Variants in FSTL4 observed in about 807,000 individuals in gnomAD.
The protein encoded by FSTL4 is follistatin like 4.
A neutral mutation model predicts 78.2 loss-of-function variants in FSTL4; 28 were observed. The observed-to-expected ratio is 0.36, with a 90% CI of 0.27 to 0.49. The LOEUF (loss-of-function observed/expected upper bound fraction) is 0.49, where lower values mean the gene tolerates loss of function less well. Among genes scored for constraint, FSTL4 ranks in the 20% least tolerant of loss-of-function variants. FSTL4 has a pLI of 0.98. For missense variants in FSTL4, 922 were observed against 1,084.9 expected, an observed-to-expected ratio of 0.85 and a Z score of 2.11; for synonymous variants, 422 against 440.5, an observed-to-expected ratio of 0.96 and a Z score of 0.53.
chr5:133,600,409 T>A (rs1441476926), intron 2 of FSTL4, among the ~76,000 whole-genome samples: 3 of 125,050 alleles, frequency 2.4e-5, no homozygotes, highest in African/African-American at 9.2e-5. Flanking sequence ...AAAATGCATC[T>A]GTGTAGGATA....
chr5:133,281,748 C>A (rs922376446), intron 6 of FSTL4, among the ~76,000 whole-genome samples: 3 of 152,158 alleles, frequency 2.0e-5, no homozygotes, highest in East Asian at 3.9e-4. Flanking sequence ...GCAGTCCCAG[C>A]CCCCAGGACA....
At chr5:133,321,331 C>T (rs1014102690) in intron 4 of FSTL4, among the ~76,000 whole-genome samples, 1 of 152,256 alleles carries the variant, frequency 6.6e-6, no homozygotes, top group Non-Finnish European at 1.5e-5. Context: ...ACCTTCATCA[C>T]TCTCCGTGCC....
At chr5:133,267,420 A>C (rs1752667917) in intron 6 of FSTL4, among the ~76,000 whole-genome samples, 1 of 152,208 alleles carries the variant, frequency 6.6e-6, no homozygotes, top group Non-Finnish European at 1.5e-5. Flanking sequence ...TCATATCCAC[A>C]GCCGCATAAG....
chr5:133,699,892 A>C, the FSTL4 span, among the ~76,000 whole-genome samples: 1 of 151,454 alleles, frequency 6.6e-6, no homozygotes, highest in South Asian at 2.1e-4. Flanking sequence ...AAAAAAAAAA[A>C]AAAAAAAAAC....
At chr5:133,784,107 G>A in the FSTL4 span, among the ~76,000 whole-genome samples, 3 of 152,046 alleles carry the variant, frequency 2.0e-5, no homozygotes, top group Non-Finnish European at 2.9e-5. Flanking sequence ...ATACGTACAG[G>A]GAATTTAGCC....
chr5:133,561,282 G>A (rs1414902134), intron 3 of FSTL4, among the ~76,000 whole-genome samples: 1 of 151,990 alleles, frequency 6.6e-6, no homozygotes, highest in Non-Finnish European at 1.5e-5. Context: ...AATTACCCAT[G>A]CACTGAGCAC....
At chr5:133,364,412 C>T (rs1475535881) in intron 4 of FSTL4, among the ~76,000 whole-genome samples, 1 of 152,190 alleles carries the variant, frequency 6.6e-6, no homozygotes, top group East Asian at 1.9e-4. Flanking sequence ...TGGCAGCAGG[C>T]CACCGCAAAG....
the FSTL4 span, among the ~76,000 whole-genome samples, chr5:133,780,974 G>T: frequency 2.0e-5 from 3 of 152,202 alleles, no homozygotes; most frequent in African/African-American, 7.2e-5. Context: ...CAGAACTCAC[G>T]GCAAGTGGAG....
the FSTL4 span, among the ~76,000 whole-genome samples, chr5:133,672,894 G>A: frequency 1.4e-3 from 206 of 152,332 alleles, no homozygotes; most frequent in African/African-American, 3.8e-3. Flanking sequence ...AAGTCCTGAC[G>A]ACATGTGCCC....
chr5:133,430,608 T>C (rs1371416201), intron 3 of FSTL4, among the ~76,000 whole-genome samples: 1 of 152,180 alleles, frequency 6.6e-6, no homozygotes, highest in Non-Finnish European at 1.5e-5. Flanking sequence ...TTAGCCAAAT[T>C]AATACCAAAA....
the FSTL4 span, among the ~76,000 whole-genome samples, chr5:133,791,904 C>T: frequency 6.6e-6 from 1 of 152,198 alleles, no homozygotes; most frequent in South Asian, 2.1e-4. Flanking sequence ...TCCCACTGAT[C>T]GCATTTTGCT....
chr5:133,839,850 T>TA, the FSTL4 span, among the ~76,000 whole-genome samples: 2 of 152,230 alleles, frequency 1.3e-5, no homozygotes, highest in Non-Finnish European at 2.9e-5. Flanking sequence ...AAGAAGTTTT[T>TA]AAAAGGCTTT....
chr5:133,618,683 T>C, the FSTL4 span, among the ~76,000 whole-genome samples: 1 of 152,246 alleles, frequency 6.6e-6, no homozygotes, highest in Admixed American at 6.5e-5. Flanking sequence ...ATTGCATAAA[T>C]TAAGCTCAAA....
intron 2 of FSTL4, among the ~76,000 whole-genome samples, chr5:133,596,543 C>T (rs951016931): frequency 5.3e-5 from 8 of 152,320 alleles, no homozygotes; most frequent in Admixed American, 3.3e-4. Flanking sequence ...TGGCAGCTTC[C>T]GTCTCCAGCT....
chr5:133,434,197 G>C (rs1028442815), intron 3 of FSTL4, among the ~76,000 whole-genome samples: 5 of 152,156 alleles, frequency 3.3e-5, no homozygotes, highest in Admixed American at 6.5e-5. Context: ...AAGCAGACGA[G>C]ACTCAAGGTG....
intron 7 of FSTL4, among the ~76,000 whole-genome samples, chr5:133,242,523 G>A (rs958580809): frequency 1.3e-5 from 2 of 152,106 alleles, no homozygotes; most frequent in East Asian, 1.9e-4. Flanking sequence ...CAAGCCCTGA[G>A]GCCAGGGCTT....
intron 8 of FSTL4, among the ~76,000 whole-genome samples, chr5:133,226,797 G>A (rs1055008588): frequency 6.6e-6 from 1 of 152,192 alleles, no homozygotes; most frequent in Non-Finnish European, 1.5e-5. Flanking sequence ...AAGCATCCCA[G>A]TACTTTAGAA....
chr5:133,261,698 A>G (rs1301451541), intron 6 of FSTL4, among the ~76,000 whole-genome samples: 1 of 152,168 alleles, frequency 6.6e-6, no homozygotes, highest in Non-Finnish European at 1.5e-5. Context: ...TCTACTAAAA[A>G]TACAAAAATT....
At chr5:133,568,846 G>A (rs1270842218) in intron 2 of FSTL4, among the ~76,000 whole-genome samples, 1 of 152,046 alleles carries the variant, frequency 6.6e-6, no homozygotes, top group African/African-American at 2.4e-5. Context: ...TTTTTGTTGT[G>A]GTTACATAAA....
Sources: allele counts gnomAD v4.1 joint callset (sites outside exome capture counted in the v4.1 genomes callset), GRCh38; gene constraint gnomAD v4.1.1; transcripts MANE v1.5; gene names NCBI Gene and HGNC (gene_info 2026-07-23, HGNC 2026-07-21).